The following TRPC1 variants were observed in gnomAD, a reference collection of about 807,000 sequenced individuals.
TRPC1 encodes short transient receptor potential channel 1.
TRPC1 carries 42 observed loss-of-function variants against 88.2 expected under a neutral mutation model. The observed-to-expected ratio is 0.48, with a 90% CI of 0.37 to 0.62. TRPC1 has a LOEUF of 0.62. Ranked by LOEUF, TRPC1 falls within the 20% of genes least tolerant of loss-of-function variation. The probability of loss-of-function intolerance (pLI) is 0.00; values close to 1 mark genes in which losing one functional copy is unlikely to be tolerated. For missense variants in TRPC1, 699 were observed against 957.3 expected (o/e 0.73, Z 3.56); for synonymous variants, 288 against 331.8 (o/e 0.87, Z 1.43).
chr3:142,731,512 G>A (rs546277032), intron 1 of TRPC1, among the ~76,000 whole-genome samples: 6 of 149,298 alleles, frequency 4.0e-5, no homozygotes, highest in African/African-American at 1.2e-4. Flanking sequence ...AGCCTCCCAA[G>A]TAGCTGGGAC....
At chr3:142,793,474 G>A (rs1936358321) in intron 9 of TRPC1, among the ~76,000 whole-genome samples, 1 of 151,934 alleles carries the variant, frequency 6.6e-6, no homozygotes, top group African/African-American at 2.4e-5. Context: ...AATTTACAGA[G>A]GCTATGTAGT....
intron 11 of TRPC1, 122 bp from the exon 12 acceptor site, chr3:142,804,314 T>C (rs972774180): frequency 8.7e-7 from 1 of 1,143,572 alleles, no homozygotes; most frequent in Non-Finnish European, 1.2e-6. Flanking sequence ...ATTTTTAAAA[T>C]GTAAGTAATG....
chr3:142,755,427 AAAAG>A (rs916922099), intron 4 of TRPC1, among the ~76,000 whole-genome samples: 1 of 152,194 alleles, frequency 6.6e-6, no homozygotes, highest in African/African-American at 2.4e-5. Flanking sequence ...CTCCATCTAA[AAAAG>A]AAAGAAAGAA....
chr3:142,757,302 A>G (rs542167192), intron 4 of TRPC1, among the ~76,000 whole-genome samples: 3 of 151,932 alleles, frequency 2.0e-5, no homozygotes, highest in Admixed American at 1.3e-4. Context: ...AAAAAAAATT[A>G]TGTTTAAAAT....
At chr3:142,769,937 T>TTTTGCCTCATTGTA (rs1935519721) in intron 4 of TRPC1, among the ~76,000 whole-genome samples, 1 of 152,126 alleles carries the variant, frequency 6.6e-6, no homozygotes, top group Non-Finnish European at 1.5e-5. Flanking sequence ...CTTGTTGATC[T>TTTTGCCTCATTGTA]TTTGCCTCAT....
At position 142,724,505 on chromosome 3, in the gene TRPC1, G is replaced by C; in HGVS notation, c.-55G>C. ...CGTGGCTGGGGTCGGGGTCGGGGTC[G>C]GGGCCGGTGGGGGCCCCGCCCCCGT... On this transcript the variant is annotated 5_prime_UTR_variant, in exon 1 of 13. Transcript: ENST00000476941. This position sits in a 1 kb window ranked among gnomAD's most constrained non-coding sequence, Gnocchi z 5.6. 1 of 1,455,704 alleles carries C rather than the reference G, an allele frequency of 6.9e-7. No homozygotes were observed. Among genetic ancestry groups the C allele is most frequent in the Non-Finnish European group, 9.0e-7 (1 of 1,108,516 alleles). 90.2% of individuals were successfully genotyped at this position (1,455,704 alleles called of 1,614,324 possible).
Position 142,791,150 on chromosome 3 carries a change from CACA to C in TRPC1, c.1434_1436del (p.Asn478del). On this transcript the variant is annotated inframe_deletion, in exon 8 of 13. Transcript: ENST00000476941. ...AACCTTTGCCCTCAAAGTGGTTGCT[CACA>C]ACAAGGTGACTATTTACTATGTCAA... 2.5e-6 allele frequency: 4 copies of C among 1,600,886 alleles called. No individual in the cohort carries two copies. The highest frequency in any genetic ancestry group is 3.4e-6 in the Non-Finnish European group (4 of 1,175,658).
At chr3:142,757,726 T>G (rs780496596) in intron 4 of TRPC1, among the ~76,000 whole-genome samples, 3 of 152,046 alleles carry the variant, frequency 2.0e-5, no homozygotes, top group Non-Finnish European at 4.4e-5. Context: ...ACAGGTTGAT[T>G]GGTGCAGCAA....
At chr3:142,802,725 C>T (rs1437539584) in intron 10 of TRPC1, among the ~76,000 whole-genome samples, 1 of 152,072 alleles carries the variant, frequency 6.6e-6, no homozygotes, top group African/African-American at 2.4e-5. Context: ...GCCAAAAACG[C>T]TCACAGCTTC....
At chr3:142,747,637 A>G (rs1934605422) in intron 3 of TRPC1, among the ~76,000 whole-genome samples, 1 of 152,144 alleles carries the variant, frequency 6.6e-6, no homozygotes, top group African/African-American at 2.4e-5. Flanking sequence ...GAGATGATAA[A>G]TGTAAAGTGC....
At position 142,807,058 on chromosome 3, in the gene TRPC1, T is replaced by TTAA. The variant is rs1936816379; in HGVS notation, c.*825_*827dup. 1 of 152,156 alleles carries TTAA rather than the reference T, an allele frequency of 6.6e-6. No homozygotes were observed. The highest frequency in any genetic ancestry group is 2.4e-5 in the African/African-American group (1 of 41,460). The allele number at this position is 152,156 out of a possible 1,614,324, so 9.4% of individuals were successfully genotyped here. ...GCTACTTCTCGACATTTGGTTTGTTTTAATTTTTTTGTATCATAATAGTCC... is the reference window on the plus strand; with the variant it reads ...GCTACTTCTCGACATTTGGTTTGTTTTAATAATTTTTTTGTATCATAATAGTCC... On this transcript the variant is annotated 3_prime_UTR_variant, in exon 13 of 13. Transcript: ENST00000476941.
intron 2 of TRPC1, among the ~76,000 whole-genome samples, chr3:142,738,300 A>G (rs1006526197): frequency 6.6e-6 from 1 of 152,200 alleles, no homozygotes; most frequent in Non-Finnish European, 1.5e-5. Context: ...TTATCAGTCC[A>G]CAAATGTCCA....
chr3:142,733,882 A>G (rs958536612), intron 1 of TRPC1, among the ~76,000 whole-genome samples: 1 of 152,204 alleles, frequency 6.6e-6, no homozygotes, highest in Non-Finnish European at 1.5e-5. Flanking sequence ...TGGCTGCTCC[A>G]TGGGTGGGGA....
intron 4 of TRPC1, among the ~76,000 whole-genome samples, chr3:142,759,653 T>C (rs761545582): frequency 6.6e-6 from 1 of 152,204 alleles, no homozygotes; most frequent in Non-Finnish European, 1.5e-5. Flanking sequence ...CTGTAGGTTG[T>C]AGTTTCTTTT....
At chr3:142,796,377 A>G (rs112764805) in intron 9 of TRPC1, among the ~76,000 whole-genome samples, 32 of 152,258 alleles carry the variant, frequency 2.1e-4, no homozygotes, top group African/African-American at 7.5e-4. Context: ...ACATGTTTCA[A>G]ATGAATTAAA....
chr3:142,803,912 CAA>C (rs1282499319), intron 10 of TRPC1, 63 bp from the exon 11 acceptor site: 5 of 1,476,788 alleles, frequency 3.4e-6, no homozygotes, highest in Admixed American at 1.8e-5. Flanking sequence ...TTGATATAAA[CAA>C]ATGATTCATT....
intron 4 of TRPC1, among the ~76,000 whole-genome samples, chr3:142,749,674 A>G (rs919703309): frequency 1.3e-5 from 2 of 152,232 alleles, no homozygotes; most frequent in African/African-American, 4.8e-5. Flanking sequence ...TTCAAACTAT[A>G]CTACAAGGCT....
intron 7 of TRPC1, 100 bp from the exon 8 acceptor site, chr3:142,790,919 C>T: frequency 2.9e-6 from 3 of 1,018,304 alleles, no homozygotes; most frequent in Non-Finnish European, 3.8e-6. Context: ...TTGAATAAGG[C>T]CCAAGGATTA....
chr3:142,752,082 T>C (rs1934784544), intron 4 of TRPC1, among the ~76,000 whole-genome samples: 1 of 152,094 alleles, frequency 6.6e-6, no homozygotes, highest in Non-Finnish European at 1.5e-5. Context: ...TGTGGGTATT[T>C]CTAGTTGGGT....
Sources: allele counts gnomAD v4.1 joint callset (sites outside exome capture counted in the v4.1 genomes callset), GRCh38; gene constraint gnomAD v4.1.1; non-coding constraint Gnocchi (gnomAD v3.1); transcripts MANE v1.5; gene names NCBI Gene and HGNC (gene_info 2026-07-23, HGNC 2026-07-21).